The following EPB41L4A variants were observed in gnomAD, a reference collection of about 807,000 sequenced individuals.
EPB41L4A encodes erythrocyte membrane protein band 4.1 like 4A.
Under a neutral mutation model 108.6 loss-of-function variants are expected in EPB41L4A, and 100 were observed. That is an observed-to-expected ratio of 0.92 (90% CI 0.78 to 1.09). The LOEUF (loss-of-function observed/expected upper bound fraction) is 1.09, where lower values mean the gene tolerates loss of function less well. EPB41L4A is among the 50% of genes least tolerant of loss of function. The pLI is 0.00. For missense variants in EPB41L4A, 1,030 were observed against 842.7 expected (o/e 1.22, Z -2.75); for synonymous variants, 319 against 289.0 (o/e 1.10, Z -1.05).
In EPB41L4A at chr5:112,233,616, T is replaced by C. The variant is rs150258238; in HGVS notation, c.1087+1018A>G. Among the ~76,000 whole-genome samples the C allele has an allele frequency of 6.3e-3, 960 of 152,272 alleles. 6 individuals are homozygous for C. Among genetic ancestry groups the C allele is most frequent in the Non-Finnish European group, 9.8e-3 (667 of 68,014 alleles). ...TTTAATAGATAGGGGCCTCACTTTGTTGCTCAGGCTATACTCAAACTCCCA... is the reference window on the plus strand; with the variant it reads ...TTTAATAGATAGGGGCCTCACTTTGCTGCTCAGGCTATACTCAAACTCCCA... On this transcript the variant is annotated intron_variant, in intron 12 of 22. Coordinates refer to ENST00000261486, the MANE Select transcript of EPB41L4A (RefSeq NM_022140.5).
At chr5:112,283,834 T>A (rs1753111088) in intron 2 of EPB41L4A, among the ~76,000 whole-genome samples, 1 of 152,148 alleles carries the variant, frequency 6.6e-6, no homozygotes, top group Admixed American at 6.5e-5. Flanking sequence ...ATTACTTATA[T>A]AAGATGAATA....
Position 112,284,000 on chromosome 5 carries a change from G to A in EPB41L4A, c.205-3677C>T, listed in dbSNP as rs1753124027. Among the ~76,000 whole-genome samples the A allele has an allele frequency of 2.0e-5, 3 of 152,202 alleles. No individual in the cohort carries two copies. The South Asian group carries it at 6.2e-4, about 32-fold the overall frequency. ...AGCCTTAAATCTGTATAAAGTACAT[G>A]TCTATCAGCTCAACTGCTCTTAAAG... On this transcript the variant is annotated intron_variant, in intron 2 of 22. Coordinates refer to ENST00000261486, the MANE Select transcript of EPB41L4A (RefSeq NM_022140.5).
chr5:112,238,624 A>G (rs774214290), intron 11 of EPB41L4A, among the ~76,000 whole-genome samples: 18 of 152,190 alleles, frequency 1.2e-4, no homozygotes, highest in Non-Finnish European at 2.5e-4. Context: ...CATTTCATTC[A>G]GTGATGTCTC....
intron 1 of EPB41L4A, among the ~76,000 whole-genome samples, chr5:112,315,874 G>A (rs943545930): frequency 6.6e-6 from 1 of 152,022 alleles, no homozygotes; most frequent in African/African-American, 2.4e-5. Context: ...AATAAAGGGA[G>A]CACCTGATTT....
chr5:112,169,162 T>G (rs188205734), intron 20 of EPB41L4A, 57 bp from the exon 21 acceptor site: 2 of 1,238,954 alleles, frequency 1.6e-6, no homozygotes, highest in Non-Finnish European at 1.2e-6. Flanking sequence ...AAAGGAAAAG[T>G]AGGAGTTCTT....
chr5:112,320,544 G>A (rs1442372896), intron 1 of EPB41L4A, among the ~76,000 whole-genome samples: 2 of 152,120 alleles, frequency 1.3e-5, no homozygotes, highest in African/African-American at 4.8e-5. Context: ...ATGTCCTCCT[G>A]TTAACAGCCT....
intron 1 of EPB41L4A, among the ~76,000 whole-genome samples, chr5:112,346,265 G>A (rs543022918): frequency 1.5e-4 from 18 of 118,040 alleles, no homozygotes; most frequent in South Asian, 5.5e-4. Flanking sequence ...TCGCTCTGTC[G>A]TCTAGGCTGG....
chr5:112,268,870 T>C (rs972816370), intron 4 of EPB41L4A, among the ~76,000 whole-genome samples: 4 of 117,030 alleles, frequency 3.4e-5, no homozygotes, highest in Non-Finnish European at 1.9e-5. Flanking sequence ...AAAAAAAGAC[T>C]TTAACATCTG....
At chr5:112,330,827 T>C (rs1456666046) in intron 1 of EPB41L4A, among the ~76,000 whole-genome samples, 2 of 152,102 alleles carry the variant, frequency 1.3e-5, no homozygotes, top group East Asian at 3.9e-4. Flanking sequence ...TTCATATAGA[T>C]TTAGAAAAAA....
intron 1 of EPB41L4A, among the ~76,000 whole-genome samples, chr5:112,361,623 A>T (rs1457437882): frequency 6.6e-6 from 1 of 151,562 alleles, no homozygotes; most frequent in African/African-American, 2.4e-5. Context: ...TAACTTTTAC[A>T]CTTTGATCTT....
At chr5:112,142,045 G>C (rs1260824688), downstream of EPB41L4A, among the ~76,000 whole-genome samples, 3 of 152,192 alleles carry the variant, frequency 2.0e-5, no homozygotes, top group Non-Finnish European at 4.4e-5. Flanking sequence ...TGGGGCATTT[G>C]CTTAAGGAGC....
rs1396539006 is a variant in EPB41L4A, at chr5:112,293,051, A to G, written c.205-12728T>C. 2.6e-5 allele frequency among the ~76,000 whole-genome samples: 4 copies of G among 152,326 alleles called. No homozygotes were observed. The East Asian group carries it at 7.7e-4, about 29-fold the overall frequency. On this transcript the variant is annotated intron_variant, in intron 2 of 22. Coordinates refer to ENST00000261486, the MANE Select transcript of EPB41L4A (RefSeq NM_022140.5). ...ACTGCATTTATTGATAAGAACACCT[A>G]GCATACCTACGTACCTGGTTGTATA... is the stretch of plus-strand genomic sequence containing the variant.
chr5:112,237,932 G>T (rs1749469959), intron 11 of EPB41L4A, among the ~76,000 whole-genome samples: 1 of 152,064 alleles, frequency 6.6e-6, no homozygotes, highest in South Asian at 2.1e-4. Context: ...ATTTTGCAAA[G>T]GTTACTTTTA....
chr5:112,168,095 TCTAA>T (rs1335186985), intron 22 of EPB41L4A, among the ~76,000 whole-genome samples: 2 of 152,206 alleles, frequency 1.3e-5, no homozygotes, highest in African/African-American at 2.4e-5. Context: ...TATAAATCCA[TCTAA>T]CTGTCTTATT....
chr5:112,224,975 T>C (rs964081680), intron 12 of EPB41L4A, among the ~76,000 whole-genome samples: 7 of 152,222 alleles, frequency 4.6e-5, no homozygotes, highest in African/African-American at 1.4e-4. Flanking sequence ...ACTTCTTCCT[T>C]TTTCTGACCC....
At chr5:112,198,876 AT>A (rs1762089487) in intron 15 of EPB41L4A, among the ~76,000 whole-genome samples, 1 of 151,962 alleles carries the variant, frequency 6.6e-6, no homozygotes, top group South Asian at 2.1e-4. Flanking sequence ...AGAAATTTTT[AT>A]TTCTTATATT....
chr5:112,347,784 TC>T (rs1757780280), intron 1 of EPB41L4A, among the ~76,000 whole-genome samples: 1 of 152,150 alleles, frequency 6.6e-6, no homozygotes, highest in South Asian at 2.1e-4. Flanking sequence ...TAAAGGGGCA[TC>T]CCCTGTGTCT....
intron 12 of EPB41L4A, among the ~76,000 whole-genome samples, chr5:112,211,362 T>C (rs566129643): frequency 6.6e-6 from 1 of 152,122 alleles, no homozygotes; most frequent in Non-Finnish European, 1.5e-5. Context: ...GGCGGGCGGA[T>C]CACGAGGTCA....
At chr5:112,267,652 ACTCT>A (rs149817473) in intron 4 of EPB41L4A, among the ~76,000 whole-genome samples, 2,768 of 151,570 alleles carry the variant, frequency 0.018, 80 homozygotes, top group African/African-American at 0.064. Flanking sequence ...ACACCAGGTC[ACTCT>A]CTCCTAAACT....
Sources: gnomAD v4.1 joint callset for allele counts (sites outside exome capture counted in the v4.1 genomes callset) on GRCh38, gnomAD v4.1.1 for gene constraint, MANE v1.5 for transcripts, NCBI Gene and HGNC (gene_info 2026-07-23, HGNC 2026-07-21) for gene names.